The following SMOC1 variants were observed in gnomAD, a reference collection of about 807,000 sequenced individuals.
SMOC1 encodes the protein SPARC-related modular calcium-binding protein 1.
SMOC1 carries 22 observed loss-of-function variants against 56.3 expected under a neutral mutation model. The observed-to-expected ratio is 0.39, with a 90% confidence interval of 0.28 to 0.56. The LOEUF is 0.56. Among genes scored for constraint, SMOC1 ranks in the 20% least tolerant of loss-of-function variants. SMOC1 has a pLI of 0.61. For synonymous variants in SMOC1, 193 were observed against 215.0 expected, an observed-to-expected ratio of 0.90 and a Z score of 0.89; for missense variants, 509 against 565.4, an observed-to-expected ratio of 0.90 and a Z score of 1.01.
intron 1 of SMOC1, among the ~76,000 whole-genome samples, chr14:69,948,702 GC>G (rs1048427166): frequency 2.8e-4 from 42 of 152,090 alleles, no homozygotes; most frequent in African/African-American, 9.6e-4. Flanking sequence ...CTTAAACCAC[GC>G]CCCCCTTCAA....
chr14:70,005,440 G>C (rs996843614), intron 7 of SMOC1, among the ~76,000 whole-genome samples: 7 of 152,132 alleles, frequency 4.6e-5, no homozygotes, highest in African/African-American at 1.7e-4. Flanking sequence ...ATGTTTGTCT[G>C]GTCCAACCTC....
intron 11 of SMOC1, among the ~76,000 whole-genome samples, chr14:70,025,777 G>A (rs1053123248): frequency 6.6e-6 from 1 of 152,172 alleles, no homozygotes; most frequent in Non-Finnish European, 1.5e-5. Context: ...GAAGCATTTT[G>A]GATTTCAATT....
intron 1 of SMOC1, among the ~76,000 whole-genome samples, chr14:69,892,968 T>G (rs1396657774): frequency 6.6e-6 from 1 of 152,238 alleles, no homozygotes; most frequent in East Asian, 1.9e-4. Flanking sequence ...ATTTGTCTCC[T>G]AAGTCTCTTT....
intron 1 of SMOC1, among the ~76,000 whole-genome samples, chr14:69,895,064 G>A (rs1392341510): frequency 1.3e-5 from 2 of 152,174 alleles, no homozygotes; most frequent in Non-Finnish European, 2.9e-5. Context: ...GGAACACTTG[G>A]AAAAGTGGCA....
intron 7 of SMOC1, among the ~76,000 whole-genome samples, chr14:70,005,351 C>T (rs1041907413): frequency 6.6e-5 from 10 of 152,104 alleles, no homozygotes; most frequent in East Asian, 1.9e-4. Context: ...TAGTCCTAGC[C>T]GACAGAGCTG....
At chr14:69,915,672 G>A (rs1884667724) in intron 1 of SMOC1, among the ~76,000 whole-genome samples, 1 of 152,168 alleles carries the variant, frequency 6.6e-6, no homozygotes, top group African/African-American at 2.4e-5. Flanking sequence ...CAACTTGTCA[G>A]TGTCACCAAT....
intron 1 of SMOC1, among the ~76,000 whole-genome samples, chr14:69,906,175 C>G (rs558240045): frequency 6.6e-6 from 1 of 152,308 alleles, no homozygotes; most frequent in East Asian, 1.9e-4. Flanking sequence ...TGACACTCCT[C>G]CCAGAGAGAC....
chr14:70,011,059 C>A, intron 8 of SMOC1, 113 bp downstream of exon 8: 1 of 1,241,132 alleles, frequency 8.1e-7, no homozygotes, highest in Non-Finnish European at 1.2e-6. Flanking sequence ...CTGGGAGAGC[C>A]ATGTTTTCAA....
rs1886133218 is a variant in SMOC1 at position 70,031,042 on chromosome 14, G to A, written c.*784G>A. 1 of 152,150 alleles carries A rather than the reference G, an allele frequency of 6.6e-6. No individual in the cohort carries two copies. Among genetic ancestry groups the A allele is most frequent in the Non-Finnish European group, 1.5e-5 (1 of 68,040 alleles). The allele number at this position is 152,150 out of a possible 1,614,324, so 9.4% of individuals were successfully genotyped here. A position where few individuals can be genotyped will look rare whatever the true frequency, so the allele number is the denominator to read the frequency against. On this transcript the variant is annotated 3_prime_UTR_variant, in exon 12 of 12. Coordinates refer to ENST00000361956, the MANE Select transcript of SMOC1 (RefSeq NM_001034852.3). Reference sequence around the variant, plus strand: ...CGGACCCCCAAAGGGCCCAGCATTGGTGGGTGCACCAGTATCTTAGTGACC... The same window carrying A: ...CGGACCCCCAAAGGGCCCAGCATTGATGGGTGCACCAGTATCTTAGTGACC...
At chr14:69,915,329 C>G (rs1383333593) in intron 1 of SMOC1, among the ~76,000 whole-genome samples, 2 of 152,174 alleles carry the variant, frequency 1.3e-5, no homozygotes, top group Non-Finnish European at 2.9e-5. Flanking sequence ...CCTGAACCTC[C>G]TGTCACTGTG....
At chr14:69,975,689 T>C in intron 3 of SMOC1, 26 bp from the exon 4 acceptor site, 1 of 1,549,952 alleles carries the variant, frequency 6.5e-7, no homozygotes, top group Non-Finnish European at 8.9e-7. Flanking sequence ...CTTATGGTTT[T>C]CTTCCCTTTT....
intron 10 of SMOC1, among the ~76,000 whole-genome samples, chr14:70,018,348 A>G (rs937333057): frequency 6.7e-6 from 1 of 149,290 alleles, no homozygotes; most frequent in African/African-American, 2.5e-5. Context: ...GGAGTAGAAG[A>G]GTGGGAGGCA....
intron 1 of SMOC1, among the ~76,000 whole-genome samples, chr14:69,921,352 G>C (rs367896548): frequency 1.3e-5 from 2 of 152,168 alleles, no homozygotes; most frequent in African/African-American, 4.8e-5. Flanking sequence ...ACCTTCCCAG[G>C]GGAGGCTGTT....
At chr14:69,940,880 G>C (rs1188755485) in intron 1 of SMOC1, among the ~76,000 whole-genome samples, 1 of 152,108 alleles carries the variant, frequency 6.6e-6, no homozygotes, top group Non-Finnish European at 1.5e-5. Flanking sequence ...GATGAGGAGA[G>C]GGAATGGGCA....
At position 69,994,386 on chromosome 14, in the gene SMOC1, T is replaced by G. The variant is rs756733749; in HGVS notation, c.584-14T>G. 2.5e-6 allele frequency: 4 copies of G among 1,610,046 alleles called. No homozygotes were observed. In the Admixed American group the frequency reaches 6.7e-5, roughly 27 times the overall value. On this transcript the variant is annotated splice_polypyrimidine_tract_variant and intron_variant, in intron 6 of 11. Coordinates refer to ENST00000361956, the MANE Select transcript of SMOC1 (RefSeq NM_001034852.3). ...TTGCCCAGACTTTTTCTCTCTCCTTTTCCTCACCCCTAGAAATCACAGCCC... is the reference window on the plus strand; with the variant it reads ...TTGCCCAGACTTTTTCTCTCTCCTTGTCCTCACCCCTAGAAATCACAGCCC...
At chr14:69,977,762 A>G (rs1884020533) in intron 4 of SMOC1, among the ~76,000 whole-genome samples, 156 bp from the exon 5 acceptor site, 1 of 152,234 alleles carries the variant, frequency 6.6e-6, no homozygotes, top group Admixed American at 6.5e-5. Context: ...CAACATGTGT[A>G]TATGTACTAA....
At chr14:69,899,260 C>G (rs1884177899) in intron 1 of SMOC1, among the ~76,000 whole-genome samples, 1 of 152,132 alleles carries the variant, frequency 6.6e-6, no homozygotes, top group African/African-American at 2.4e-5. Flanking sequence ...GTGTCTCTAC[C>G]CGAGTTTCAT....
intron 7 of SMOC1, among the ~76,000 whole-genome samples, chr14:70,008,031 A>G (rs1274204417): frequency 6.6e-6 from 1 of 152,210 alleles, no homozygotes; most frequent in Non-Finnish European, 1.5e-5. Flanking sequence ...TAATAAAATA[A>G]AAAAGTAATA....
At chr14:69,981,390 T>G (rs1315842701) in intron 5 of SMOC1, among the ~76,000 whole-genome samples, 7 of 152,208 alleles carry the variant, frequency 4.6e-5, no homozygotes, top group Non-Finnish European at 1.5e-5. Flanking sequence ...ACATGTGTGG[T>G]AATTAACAAA....
Sources: gnomAD v4.1 joint callset for allele counts (sites outside exome capture counted in the v4.1 genomes callset) on GRCh38, gnomAD v4.1.1 for gene constraint, MANE v1.5 for transcripts, NCBI Gene and HGNC (gene_info 2026-07-23, HGNC 2026-07-21) for gene names.